LRP1B: variants seen among roughly 807,000 people sequenced by gnomAD.
The protein encoded by LRP1B is LDL receptor related protein 1B.
LRP1B carries 217 observed loss-of-function variants against 556.6 expected under a neutral mutation model. The observed-to-expected ratio is 0.39, with a 90% CI of 0.35 to 0.44. The LOEUF is 0.44. Among genes scored for constraint, LRP1B ranks in the 20% least tolerant of loss-of-function variants. LRP1B has a pLI of 1.00. For missense variants in LRP1B, 5,053 were observed against 5,620.8 expected (o/e 0.90, Z 3.23); for synonymous variants, 2,047 against 1,865.8 (o/e 1.10, Z -2.50).
intron 55 of LRP1B, among the ~76,000 whole-genome samples, chr2:140,500,255 T>C (rs1689124337): frequency 6.6e-6 from 1 of 151,996 alleles, no homozygotes; most frequent in Non-Finnish European, 1.5e-5. Flanking sequence ...CAGGAATTTA[T>C]TATTGTGGTT....
intron 2 of LRP1B, among the ~76,000 whole-genome samples, chr2:141,623,110 T>C (rs1444224178): frequency 6.6e-6 from 1 of 152,182 alleles, no homozygotes; most frequent in Non-Finnish European, 1.5e-5. Context: ...TTTCTAAAGA[T>C]ACTTTACCAA....
At chr2:141,954,123 A>T (rs1177072187) in intron 1 of LRP1B, among the ~76,000 whole-genome samples, 3 of 152,082 alleles carry the variant, frequency 2.0e-5, no homozygotes, top group African/African-American at 7.2e-5. Context: ...CCCAGCATCT[A>T]TTTCCAGGCA....
intron 11 of LRP1B, among the ~76,000 whole-genome samples, chr2:141,027,074 G>A (rs919186508): frequency 6.6e-5 from 10 of 152,082 alleles, no homozygotes; most frequent in Admixed American, 6.6e-4. Context: ...GTTGAAGAAA[G>A]TTTAACCTAG....
intron 1 of LRP1B, among the ~76,000 whole-genome samples, chr2:142,047,588 T>C (rs1704305847): frequency 1.3e-5 from 2 of 151,966 alleles, no homozygotes; most frequent in Admixed American, 6.6e-5. Flanking sequence ...TGACAGAGAC[T>C]GGTTAGATGT....
chr2:140,528,151 G>A (rs1690521102), intron 47 of LRP1B, among the ~76,000 whole-genome samples: 1 of 151,804 alleles, frequency 6.6e-6, no homozygotes, highest in Non-Finnish European at 1.5e-5. Flanking sequence ...GTAGGGAATG[G>A]CATTTCAGAC....
At chr2:141,760,098 C>T (rs1438411794) in intron 2 of LRP1B, among the ~76,000 whole-genome samples, 1 of 152,014 alleles carries the variant, frequency 6.6e-6, no homozygotes, top group Non-Finnish European at 1.5e-5. Flanking sequence ...AATTTACTTC[C>T]GTTTGATGTA....
intron 66 of LRP1B, among the ~76,000 whole-genome samples, chr2:140,387,641 T>C (rs1030079578): frequency 1.3e-5 from 2 of 152,072 alleles, no homozygotes; most frequent in African/African-American, 2.4e-5. Context: ...CTAATAATTA[T>C]TCAGAATGTC....
At chr2:140,427,784 C>G (rs1020463105) in intron 66 of LRP1B, among the ~76,000 whole-genome samples, 2 of 151,980 alleles carry the variant, frequency 1.3e-5, no homozygotes, top group African/African-American at 4.8e-5. Flanking sequence ...TTCTACAGAC[C>G]CATCTGTCCT....
In LRP1B at chr2:141,440,229, C is replaced by T. The variant is rs530623066; in HGVS notation, c.343+40167G>A. On this transcript the variant is annotated intron_variant, in intron 3 of 90. Coordinates refer to ENST00000389484, the MANE Select transcript of LRP1B (RefSeq NM_018557.3). ...ACATAGGCAGGATTTGCGCCCAGCC[C>T]GGCCCTCCTGCTCCAGGGACTTAAA... Among the ~76,000 whole-genome samples, 4 of 152,334 alleles carry T rather than the reference C, an allele frequency of 2.6e-5. No individual in the cohort carries two copies. In the East Asian group the frequency reaches 5.8e-4, roughly 22 times the overall value.
chr2:141,123,254 ATAAATAAAT>A (rs1701112127), intron 7 of LRP1B, among the ~76,000 whole-genome samples: 1 of 151,002 alleles, frequency 6.6e-6, no homozygotes, highest in Non-Finnish European at 1.5e-5. Flanking sequence ...AAAAAAATAA[ATAAATAAAT>A]AAAAAAAAGA....
chr2:141,935,083 G>A (rs1219787572), intron 1 of LRP1B, among the ~76,000 whole-genome samples: 3 of 152,016 alleles, frequency 2.0e-5, no homozygotes, highest in Non-Finnish European at 2.9e-5. Context: ...AAGACAGACA[G>A]TAATTTCTCC....
At chr2:141,690,700 G>T (rs372183925) in intron 2 of LRP1B, among the ~76,000 whole-genome samples, 7 of 150,926 alleles carry the variant, frequency 4.6e-5, no homozygotes, top group African/African-American at 1.7e-4. Context: ...ACCAAACTCT[G>T]GTATCAGAGT....
chr2:140,402,883 A>C (rs943869123), intron 66 of LRP1B, among the ~76,000 whole-genome samples: 1 of 152,236 alleles, frequency 6.6e-6, no homozygotes, highest in Non-Finnish European at 1.5e-5. Context: ...GAGAAAGTGC[A>C]TACCACAGGA....
At chr2:141,122,332 A>C (rs1201539546) in intron 7 of LRP1B, among the ~76,000 whole-genome samples, 1 of 152,084 alleles carries the variant, frequency 6.6e-6, no homozygotes, top group African/African-American at 2.4e-5. Context: ...GAATGGGAGA[A>C]AATTTTTGCA....
chr2:140,993,600 G>A (rs1246136258), intron 16 of LRP1B, among the ~76,000 whole-genome samples: 4 of 152,080 alleles, frequency 2.6e-5, no homozygotes, highest in African/African-American at 9.7e-5. Flanking sequence ...CCAAAGAGCA[G>A]TGGAGTGGAT....
At chr2:142,055,901 G>A (rs1704650390) in intron 1 of LRP1B, among the ~76,000 whole-genome samples, 1 of 152,046 alleles carries the variant, frequency 6.6e-6, no homozygotes, top group Admixed American at 6.6e-5. Context: ...CTGTAATCCT[G>A]GTACTTTGGG....
At chr2:140,705,159 A>G (rs768867965) in intron 37 of LRP1B, among the ~76,000 whole-genome samples, 36 of 152,098 alleles carry the variant, frequency 2.4e-4, no homozygotes, top group Non-Finnish European at 3.8e-4. Flanking sequence ...ACAGAAATAT[A>G]TAATGATATT....
chr2:141,993,637 T>C (rs950189004), intron 1 of LRP1B, among the ~76,000 whole-genome samples: 4 of 152,172 alleles, frequency 2.6e-5, no homozygotes, highest in African/African-American at 7.2e-5. Flanking sequence ...TAACCATTGA[T>C]TCATTGAGAT....
chr2:141,193,625 C>A lies in LRP1B; in HGVS notation c.851-5042G>T, dbSNP rs114032752. ...GGAGGAGGGAGAGGAGTAGAAAAGA[C>A]AACTTTTGGGGACTTGGCAATGAAA... On this transcript the variant is annotated intron_variant, in intron 6 of 90. Coordinates refer to ENST00000389484, the MANE Select transcript of LRP1B (RefSeq NM_018557.3). Among the ~76,000 whole-genome samples, 1,064 of 151,730 alleles carry A rather than the reference C, an allele frequency of 7.0e-3. 9 individuals carry two copies. The highest frequency in any genetic ancestry group is 0.011 in the Non-Finnish European group (726 of 67,816).
Sources: gnomAD v4.1 joint callset for allele counts (sites outside exome capture counted in the v4.1 genomes callset) on GRCh38, gnomAD v4.1.1 for gene constraint, MANE v1.5 for transcripts, NCBI Gene and HGNC (gene_info 2026-07-23, HGNC 2026-07-21) for gene names.